SH2B1: variants seen among roughly 807,000 people sequenced by gnomAD.
SH2B1 encodes the protein SH2B adapter protein 1.
SH2B1 carries 15 observed loss-of-function variants against 62.6 expected under a neutral mutation model. The ratio of observed to expected loss-of-function variants is 0.24; its 90% CI spans 0.16 to 0.37. The LOEUF (loss-of-function observed/expected upper bound fraction) is 0.37, where lower values mean the gene tolerates loss of function less well. Among genes scored for constraint, SH2B1 ranks in the 10% least tolerant of loss-of-function variants. SH2B1 has a pLI of 1.00. For missense variants in SH2B1, 925 were observed against 1,015.6 expected, an observed-to-expected ratio of 0.91 and a Z score of 1.21; for synonymous variants, 443 against 438.0, an observed-to-expected ratio of 1.01 and a Z score of -0.14.
intron 1 of SH2B1, among the ~76,000 whole-genome samples, chr16:28,852,467 T>TATAC (rs1555509865): frequency 2.3e-5 from 1 of 42,678 alleles, no homozygotes; most frequent in African/African-American, 1.4e-4. Flanking sequence ...TATTTATATA[T>TATAC]ATACATATAT....
chr16:28,858,582 C>G lies in SH2B1; in HGVS notation c.-300-3036C>G, dbSNP rs371192149. ...AGACATTTCTATGACTCAGGAAATT[C>G]CAAGTGTTTTGGAAGCTCTATGCCA... On this transcript the variant is annotated intron_variant, in intron 1 of 10. Coordinates refer to the SH2B1 transcript ENST00000322610. 6.6e-5 allele frequency among the ~76,000 whole-genome samples: 10 copies of G among 152,064 alleles called. No individual in the cohort carries two copies. In the South Asian group the frequency reaches 2.1e-3, roughly 32 times the overall value.
intron 1 of SH2B1, among the ~76,000 whole-genome samples, chr16:28,852,307 T>C (rs1962129587): frequency 1.1e-5 from 1 of 87,462 alleles, no homozygotes; most frequent in Non-Finnish European, 2.1e-5. Flanking sequence ...TATTTACATA[T>C]ATATATTTAC....
rs747937817 is a variant in SH2B1 at position 28,866,261 on chromosome 16, C to T, written c.167C>T (p.Ala56Val). The change falls in exon 1 of 8, where the codon GCG becomes GTG. Residue 56 changes from alanine to valine, a missense_variant. Ala to Val is a moderately conservative substitution (Grantham distance 64). Around this residue, in one of 3 missense-constraint regions of SH2B1, gnomAD observed 683 missense variants for 704.0 expected, o/e 0.97. Coordinates refer to ENST00000684370, the MANE Select transcript of SH2B1 (RefSeq NM_001387430.1). The surrounding 1 kb of genome is among the most constrained non-coding windows in gnomAD (Gnocchi z 6.3). Reference protein sequence around the residue: ...RLYLASHPQYAGPGAEAAFSR... With the variant: ...RLYLASHPQYVGPGAEAAFSR... ...TACCTGGCCTCCCACCCCCAATATG[C>T]GGGGCCCGGGGCCGAGGCTGCCTTC... The T allele has an allele frequency of 2.2e-5, 35 of 1,609,792 alleles. No individual in the cohort carries two copies. Among genetic ancestry groups the T allele is most frequent in the South Asian group, 2.0e-4 (18 of 90,876 alleles).
chr16:28,859,275 A>G (rs11150609), upstream of SH2B1, among the ~76,000 whole-genome samples: 51,828 of 151,836 alleles, frequency 0.34, 9,512 homozygotes, highest in Admixed American at 0.41. Context: ...AGGTTTGGGG[A>G]TACATGTGAA....
At chr16:28,848,073 AT>A (rs1962023786) in intron 1 of SH2B1, among the ~76,000 whole-genome samples, 1 of 151,514 alleles carries the variant, frequency 6.6e-6, no homozygotes, top group African/African-American at 2.4e-5. Flanking sequence ...TGATCCGCCC[AT>A]TGTGGCCTCC....
Position 28,865,574 on chromosome 16 carries a change from G to GCT in SH2B1, c.-520_-519dup. 2.0e-6 allele frequency: 2 copies of GCT among 985,804 alleles called. No individual in the cohort carries two copies. Among genetic ancestry groups the GCT allele is most frequent in the Non-Finnish European group, 2.4e-6 (2 of 830,128 alleles). 61.1% of individuals were successfully genotyped at this position (985,804 alleles called of 1,614,324 possible). On this transcript the variant is annotated 5_prime_UTR_variant, in exon 1 of 8. Coordinates refer to ENST00000684370, the MANE Select transcript of SH2B1 (RefSeq NM_001387430.1). ...ACTTGGAGTTCTGAAACTTTTCTGA[G>GCT]CTTCGGTTTCCTCATCTGTTCGAGA...
At chr16:28,852,303 C>CATATATATTTAT (rs1962128972) in intron 1 of SH2B1, among the ~76,000 whole-genome samples, 1 of 53,028 alleles carries the variant, frequency 1.9e-5, no homozygotes, top group Non-Finnish European at 3.4e-5. Context: ...TATATATTTA[C>CATATATATTTAT]ATATATATAT....
intron 1 of SH2B1, among the ~76,000 whole-genome samples, chr16:28,848,028 G>A (rs975928911): frequency 2.6e-5 from 4 of 151,756 alleles, no homozygotes; most frequent in East Asian, 2.0e-4. Context: ...GTTTCACCTC[G>A]TTGGCCAGAC....
At chr16:28,862,395 A>C (rs553461264), upstream of SH2B1, 1 of 152,182 alleles carries the variant, frequency 6.6e-6, no homozygotes, top group Non-Finnish European at 1.5e-5. Flanking sequence ...CTGGGGTTCA[A>C]GTGATTCTTC....
chr16:28,850,907 G>A (rs1962083187), intron 1 of SH2B1, among the ~76,000 whole-genome samples: 2 of 150,974 alleles, frequency 1.3e-5, no homozygotes, highest in African/African-American at 4.9e-5. Context: ...GGACGTGGTG[G>A]CTCATGCCTG....
Position 28,863,893 on chromosome 16 carries a change from A to AGGC in SH2B1, c.-2201_-2200insGCG, listed in dbSNP as rs1962538305. ...AGTGGGTGGGGGCGCAGGGAGCGGG[A>AGGC]GCCGCCGCCGCCGCCGCCGCCGCCG... On this transcript the variant is annotated 5_prime_UTR_variant, in exon 1 of 8. Coordinates refer to ENST00000684370, the MANE Select transcript of SH2B1 (RefSeq NM_001387430.1). 3 of 1,494,088 alleles carry AGGC rather than the reference A, an allele frequency of 2.0e-6. No homozygotes were observed. The East Asian group carries it at 7.5e-5, about 37-fold the overall frequency. 92.6% of individuals were successfully genotyped at this position (1,494,088 alleles called of 1,614,324 possible).
chr16:28,860,742 CAT>C (rs922376978), upstream of SH2B1, among the ~76,000 whole-genome samples: 3 of 152,136 alleles, frequency 2.0e-5, no homozygotes, highest in African/African-American at 7.2e-5. Flanking sequence ...GACACACACA[CAT>C]CTTATACTCA....
rs867079045 is a variant in SH2B1 at position 28,852,797 on chromosome 16, C to G, written c.-301+5970C>G. Among the ~76,000 whole-genome samples, 32 of 60,962 alleles carry G rather than the reference C, an allele frequency of 5.2e-4. 8 individuals are homozygous for G. Among genetic ancestry groups the G allele is most frequent in the Non-Finnish European group, 8.0e-4 (32 of 39,922 alleles). 40.0% of individuals were successfully genotyped at this position (60,962 alleles called of 152,430 possible). A position where few individuals can be genotyped will look rare whatever the true frequency, so the allele number is the denominator to read the frequency against. ...ATATATATATTTACATATATATTTACATATATATTTACATATATTTACATA... is the reference window on the plus strand; with the variant it reads ...ATATATATATTTACATATATATTTAGATATATATTTACATATATTTACATA... On this transcript the variant is annotated intron_variant, in intron 1 of 10. Transcript: ENST00000322610.
At position 28,847,415 on chromosome 16, in the gene SH2B1, G is replaced by C. The variant is rs371299232; in HGVS notation, c.-301+588G>C. 2.8e-3 allele frequency among the ~76,000 whole-genome samples: 426 copies of C among 152,276 alleles called. 23 individuals are homozygous for C. The South Asian group carries it at 0.086, about 31-fold the overall frequency. ...ACTCATCAGATCCTGAGACTCAGTG[G>C]ACAGTGTTTGTTTCAAATAGATTCC... On this transcript the variant is annotated intron_variant, in intron 1 of 10. Coordinates refer to the SH2B1 transcript ENST00000322610.
rs541194397 is a variant in SH2B1 at position 28,871,693 on chromosome 16, G to A, written c.1310-87G>A. On this transcript the variant is annotated intron_variant, in intron 4 of 7. Transcript: ENST00000684370. ...ATCTTGGCCAGCGACTGCACACAGG[G>A]TAGACTGCTGGTGAGGAGATGGGCC... 33 of 1,079,748 alleles carry A rather than the reference G, an allele frequency of 3.1e-5. No homozygotes were observed. The East Asian group carries it at 7.7e-4, about 25-fold the overall frequency. The allele number at this position is 1,079,748 out of a possible 1,614,324, so 66.9% of individuals were successfully genotyped here. A position where few individuals can be genotyped will look rare whatever the true frequency, so the allele number is the denominator to read the frequency against.
chr16:28,853,932 G>A (rs1385003015), intron 1 of SH2B1, among the ~76,000 whole-genome samples: 1 of 150,228 alleles, frequency 6.7e-6, no homozygotes, highest in Non-Finnish European at 1.5e-5. Flanking sequence ...AACCCGGGAG[G>A]TGGAGCTTGC....
rs886191087 is a variant in SH2B1 at position 28,871,784 on chromosome 16, A to G, written c.1314A>G (p.Ala438=). The change falls in exon 5 of 8, where the codon GCA becomes GCG. Residue 438 remains alanine, a synonymous_variant. Transcript: ENST00000684370. ...SESNDRLSQG[A]YGGLSDRPSA... ...CTTTGCCCTTTTTTTTTCCAGGGGC[A>G]TATGGGGGCCTCTCAGACCGCCCCT... The G allele has an allele frequency of 3.1e-6, 5 of 1,613,568 alleles. No individual in the cohort carries two copies. The highest frequency in any genetic ancestry group is 4.2e-6 in the Non-Finnish European group (5 of 1,179,698).
At chr16:28,871,453 C>T (rs933293696) in intron 4 of SH2B1, among the ~76,000 whole-genome samples, 5 of 152,292 alleles carry the variant, frequency 3.3e-5, no homozygotes, top group Non-Finnish European at 5.9e-5. Flanking sequence ...ATAGCGAGAC[C>T]CCTTCTCTAC....
intron 1 of SH2B1, among the ~76,000 whole-genome samples, chr16:28,857,741 C>CTT (rs67567805): frequency 3.7e-5 from 5 of 135,264 alleles, no homozygotes; most frequent in Non-Finnish European, 6.3e-5. Flanking sequence ...GTCCGGAGTT[C>CTT]TTTTTTTTTT....
Sources: gnomAD v4.1 joint callset for allele counts (sites outside exome capture counted in the v4.1 genomes callset) on GRCh38, gnomAD v4.1.1 for gene constraint, gnomAD v4.1.1 regional missense constraint, Gnocchi (gnomAD v3.1) non-coding constraint, MANE v1.5 for transcripts, NCBI Gene and HGNC (gene_info 2026-07-23, HGNC 2026-07-21) for gene names.